Variants in WDR70 observed in about 807,000 individuals in gnomAD.
The protein encoded by WDR70 is WD repeat-containing protein 70.
WDR70 carries 53 observed loss-of-function variants against 88.6 expected under a neutral mutation model. The observed-to-expected ratio is 0.60, with a 90% CI of 0.48 to 0.75. The LOEUF (loss-of-function observed/expected upper bound fraction) is 0.75. WDR70 is among the 30% of genes least tolerant of loss of function. The pLI is 0.00. For synonymous variants in WDR70, 280 were observed against 270.0 expected (o/e 1.04, Z -0.36); for missense variants, 610 against 823.2 (o/e 0.74, Z 3.17).
intron 9 of WDR70, among the ~76,000 whole-genome samples, chr5:37,559,703 G>C (rs1052989873): frequency 6.6e-6 from 1 of 152,026 alleles, no homozygotes; most frequent in Non-Finnish European, 1.5e-5. Flanking sequence ...AAATTAGCTG[G>C]GGGTGGTGGC....
intron 8 of WDR70, among the ~76,000 whole-genome samples, chr5:37,505,456 A>G (rs956585746): frequency 2.0e-5 from 3 of 152,092 alleles, no homozygotes; most frequent in African/African-American, 4.8e-5. Flanking sequence ...AAAAGCAGCA[A>G]TATCTAGTTT....
At chr5:37,624,363 G>A (rs1293632378) in intron 10 of WDR70, among the ~76,000 whole-genome samples, 1 of 152,164 alleles carries the variant, frequency 6.6e-6, no homozygotes, top group African/African-American at 2.4e-5. Flanking sequence ...TACTGTGAAT[G>A]GCAGGATTTC....
chr5:37,712,430 C>G (rs1012890191), intron 13 of WDR70, among the ~76,000 whole-genome samples: 1 of 152,196 alleles, frequency 6.6e-6, no homozygotes, highest in Admixed American at 6.5e-5. Flanking sequence ...AGATTTACTG[C>G]AGATGCTTAA....
In WDR70 at chr5:37,505,356, A is replaced by G. The variant is rs1200680295; in HGVS notation, c.841-11158A>G. On this transcript the variant is annotated intron_variant, in intron 8 of 17. Transcript: ENST00000265107. ...CTTGTGCCGATCGTATGGGAAAACT[A>G]GGCTAATAGTGTAAATAGATAGAAT... Among the ~76,000 whole-genome samples the G allele has an allele frequency of 2.0e-5, 3 of 152,188 alleles. No individual in the cohort carries two copies. In the East Asian group the frequency reaches 5.8e-4, roughly 29 times the overall value.
intron 9 of WDR70, among the ~76,000 whole-genome samples, chr5:37,519,929 C>T (rs1177818972): frequency 1.3e-5 from 2 of 152,110 alleles, no homozygotes; most frequent in South Asian, 4.1e-4. Context: ...CACATCCTTG[C>T]CAGTGATTAA....
chr5:37,572,690 A>G (rs974227210), intron 9 of WDR70, among the ~76,000 whole-genome samples: 6 of 152,154 alleles, frequency 3.9e-5, no homozygotes, highest in Non-Finnish European at 7.3e-5. Context: ...TCACTATTAA[A>G]TATTATTTGA....
intron 3 of WDR70, 94 bp from the exon 4 acceptor site, chr5:37,391,906 T>C: frequency 7.3e-7 from 1 of 1,366,318 alleles, no homozygotes. Context: ...GTTATATCTT[T>C]GTGACTATGT....
chr5:37,594,908 A>C (rs540850445), intron 9 of WDR70, among the ~76,000 whole-genome samples: 1 of 152,164 alleles, frequency 6.6e-6, no homozygotes, highest in Non-Finnish European at 1.5e-5. Context: ...AGCAGTTGTA[A>C]ATGGGAGTTC....
chr5:37,722,582 TTCCTATAGGTTTTG>T, intron 14 of WDR70: 1 of 382,646 alleles, frequency 2.6e-6, no homozygotes, highest in Non-Finnish European at 4.7e-6. Context: ...TTTCACATTA[TTCCTATAGGTTTTG>T]TAAACTTGTG....
chr5:37,629,735 C>T (rs7737986), intron 10 of WDR70, among the ~76,000 whole-genome samples: 7,360 of 152,120 alleles, frequency 0.048, 583 homozygotes, highest in African/African-American at 0.16. Flanking sequence ...CACTCAGTTT[C>T]CTTAAGATTA....
intron 9 of WDR70, among the ~76,000 whole-genome samples, chr5:37,519,541 G>C (rs1163079270): frequency 1.0e-4 from 15 of 149,264 alleles, no homozygotes; most frequent in Non-Finnish European, 1.9e-4. Context: ...CGGGGCGGCG[G>C]GGCGGAGGCG....
At chr5:37,532,372 C>A (rs1056508818) in intron 9 of WDR70, among the ~76,000 whole-genome samples, 1 of 152,172 alleles carries the variant, frequency 6.6e-6, no homozygotes, top group Non-Finnish European at 1.5e-5. Context: ...TTTTAGATTT[C>A]TCTTCTTCCT....
At chr5:37,714,436 T>C (rs555250237) in intron 13 of WDR70, among the ~76,000 whole-genome samples, 3 of 152,198 alleles carry the variant, frequency 2.0e-5, no homozygotes, top group Admixed American at 6.5e-5. Context: ...AGCCATATAG[T>C]GCTTCCCATG....
rs1362016929 is a variant in WDR70 at position 37,381,693 on chromosome 5, G to A, written c.175+8G>A. On this transcript the variant is annotated splice_region_variant and intron_variant, in intron 3 of 17. Transcript: ENST00000265107. ...GAAGTCGCAAAACACTGGGTAAGAA[G>A]CTCAGATATTTGTTCTTTTATTGGT... 6.2e-7 allele frequency: 1 copy of A among 1,607,884 alleles called. No homozygotes were observed. The highest frequency in any genetic ancestry group is 8.5e-7 in the Non-Finnish European group (1 of 1,175,778).
At chr5:37,724,810 T>C in intron 15 of WDR70, 124 bp from the exon 16 acceptor site, 1 of 970,256 alleles carries the variant, frequency 1.0e-6, no homozygotes, top group South Asian at 1.5e-5. Flanking sequence ...GACTGTCTTT[T>C]ATTATCAGAT....
chr5:37,606,353 C>T (rs1461508339), intron 10 of WDR70, among the ~76,000 whole-genome samples: 1 of 152,160 alleles, frequency 6.6e-6, no homozygotes, highest in East Asian at 1.9e-4. Flanking sequence ...ATCTTAAAAA[C>T]TTCTTTGAAT....
chr5:37,690,748 C>A (rs1746767230), intron 10 of WDR70, among the ~76,000 whole-genome samples: 2 of 152,262 alleles, frequency 1.3e-5, no homozygotes, highest in African/African-American at 4.8e-5. Context: ...CCAGCCATTG[C>A]AAAAACATGC....
intron 8 of WDR70, among the ~76,000 whole-genome samples, chr5:37,513,146 A>G (rs1005525670): frequency 1.3e-5 from 2 of 152,216 alleles, no homozygotes; most frequent in East Asian, 3.8e-4. Context: ...AAATGTTAAC[A>G]CTGTTCCAAA....
intron 10 of WDR70, among the ~76,000 whole-genome samples, chr5:37,621,964 A>T (rs1744516661): frequency 6.6e-6 from 1 of 152,154 alleles, no homozygotes; most frequent in Non-Finnish European, 1.5e-5. Context: ...CAGTTTTCCC[A>T]GCACCATTTA....
Sources: allele counts gnomAD v4.1 joint callset (sites outside exome capture counted in the v4.1 genomes callset), GRCh38; gene constraint gnomAD v4.1.1; transcripts MANE v1.5; gene names NCBI Gene and HGNC (gene_info 2026-07-23, HGNC 2026-07-21).